The following FRMD3 variants were observed in gnomAD, a reference collection of about 807,000 sequenced individuals.
The protein encoded by FRMD3 is FERM domain-containing protein 3.
In FRMD3, 33 loss-of-function variants were observed where a neutral mutation model predicts 70.2. The ratio of observed to expected loss-of-function variants is 0.47; its 90% CI spans 0.36 to 0.63. FRMD3 has a LOEUF of 0.63. FRMD3 is among the 20% of genes least tolerant of loss of function. FRMD3 has a pLI of 0.00. For missense variants in FRMD3, 632 were observed against 711.4 expected (o/e 0.89, Z 1.27); for synonymous variants, 279 against 255.9 (o/e 1.09, Z -0.86).
intron 6 of FRMD3, among the ~76,000 whole-genome samples, chr9:83,325,317 T>C (rs1835968739): frequency 6.6e-6 from 1 of 152,142 alleles, no homozygotes; most frequent in African/African-American, 2.4e-5. Flanking sequence ...TATTTTTAAA[T>C]TTATTTATTT....
At position 83,260,080 on chromosome 9, in the gene FRMD3, C is replaced by T. The variant is rs114120949; in HGVS notation, c.1196-11564G>A. ...CTTTTTACCTGCAAAATGGACCAGA[C>T]CCTCCCCAGTCCAGCATTCTGTGGC... On this transcript the variant is annotated intron_variant, in intron 13 of 13. Coordinates refer to ENST00000304195, the MANE Select transcript of FRMD3 (RefSeq NM_174938.6). 5.4e-3 allele frequency among the ~76,000 whole-genome samples: 826 copies of T among 152,268 alleles called. 6 individuals are homozygous for T. Among genetic ancestry groups the T allele is most frequent in the African/African-American group, 0.018 (767 of 41,544 alleles).
intron 13 of FRMD3, among the ~76,000 whole-genome samples, chr9:83,262,475 T>C (rs1044597827): frequency 8.5e-5 from 13 of 152,222 alleles, no homozygotes; most frequent in Admixed American, 6.5e-4. Flanking sequence ...TCCTAACTGG[T>C]TTCCTTGATT....
At chr9:83,552,477 G>A in the FRMD3 span, among the ~76,000 whole-genome samples, 1 of 152,130 alleles carries the variant, frequency 6.6e-6, no homozygotes, top group African/African-American at 2.4e-5. Context: ...TTCTATAAAG[G>A]TCTATCAGAT....
At chr9:83,553,459 A>G in the FRMD3 span, among the ~76,000 whole-genome samples, 2 of 152,146 alleles carry the variant, frequency 1.3e-5, no homozygotes, top group Non-Finnish European at 2.9e-5. Context: ...CTTGGGGATG[A>G]TCTTCTTGTG....
chr9:83,402,898 CTTTTTTT>C (rs559570925), intron 1 of FRMD3, among the ~76,000 whole-genome samples: 2 of 87,294 alleles, frequency 2.3e-5, no homozygotes. Context: ...TTCTTTCTTT[CTTTTTTT>C]TTTTTTTTTT....
intron 12 of FRMD3, among the ~76,000 whole-genome samples, chr9:83,297,359 G>GA (rs1438054793): frequency 6.6e-6 from 1 of 152,142 alleles, no homozygotes; most frequent in Non-Finnish European, 1.5e-5. Context: ...GTGCTACAGA[G>GA]AAAAGAGCTG....
rs1224857306 is a variant in FRMD3 at position 83,380,604 on chromosome 9, G to A, written c.253-7649C>T. ...TGGGGAAAAAGAAGGTGGGTATGGG[G>A]TGGTACTTTGTGACTAAGAAGATTG... is the stretch of plus-strand genomic sequence containing the variant. On this transcript the variant is annotated intron_variant, in intron 2 of 13. Coordinates refer to ENST00000304195, the MANE Select transcript of FRMD3 (RefSeq NM_174938.6). Among the ~76,000 whole-genome samples, 3 of 152,116 alleles carry A rather than the reference G, an allele frequency of 2.0e-5. No individual in the cohort carries two copies. The East Asian group carries it at 5.8e-4, about 29-fold the overall frequency.
chr9:83,512,890 C>T (rs748424306), intron 1 of FRMD3, among the ~76,000 whole-genome samples: 8 of 152,112 alleles, frequency 5.3e-5, no homozygotes, highest in Non-Finnish European at 1.2e-4. Context: ...CTGCAAGACA[C>T]GGAAGTGAGC....
intron 2 of FRMD3, among the ~76,000 whole-genome samples, chr9:83,383,435 G>C (rs1282579306): frequency 1.3e-5 from 2 of 152,068 alleles, no homozygotes; most frequent in Admixed American, 6.6e-5. Context: ...AAATAAAATA[G>C]TCATTTTCTA....
At chr9:83,351,895 C>G (rs1824175437) in intron 3 of FRMD3, among the ~76,000 whole-genome samples, 2 of 152,124 alleles carry the variant, frequency 1.3e-5, no homozygotes, top group Admixed American at 1.3e-4. Context: ...AAATATATGC[C>G]AACATGATTG....
At chr9:83,275,506 C>A (rs1463816494) in intron 13 of FRMD3, among the ~76,000 whole-genome samples, 1 of 152,172 alleles carries the variant, frequency 6.6e-6, no homozygotes, top group East Asian at 1.9e-4. Context: ...CCTCCCCGAC[C>A]TGCAGATGGG....
chr9:83,443,071 A>G (rs1484854376), intron 1 of FRMD3, among the ~76,000 whole-genome samples: 1 of 152,238 alleles, frequency 6.6e-6, no homozygotes, highest in African/African-American at 2.4e-5. Flanking sequence ...TTAGCAATGA[A>G]TATCACTGTA....
the FRMD3 span, among the ~76,000 whole-genome samples, chr9:83,578,143 T>C: frequency 6.6e-6 from 1 of 150,904 alleles, no homozygotes; most frequent in Admixed American, 6.6e-5. Context: ...AAAAAAAAAA[T>C]CTGAACAGAC....
At chr9:83,408,415 C>G (rs1234070769) in intron 1 of FRMD3, among the ~76,000 whole-genome samples, 1 of 152,094 alleles carries the variant, frequency 6.6e-6, no homozygotes, top group African/African-American at 2.4e-5. Context: ...GTCCTAAGAA[C>G]CCCCACTGGG....
In FRMD3 at chr9:83,367,832, T is replaced by G. The variant is rs1395701875; in HGVS notation, c.295+5081A>C. 2.6e-5 allele frequency among the ~76,000 whole-genome samples: 4 copies of G among 152,200 alleles called. No homozygotes were observed. The East Asian group carries it at 7.7e-4, about 29-fold the overall frequency. On this transcript the variant is annotated intron_variant, in intron 3 of 13. Coordinates refer to ENST00000304195, the MANE Select transcript of FRMD3 (RefSeq NM_174938.6). The stretch of plus-strand genomic sequence containing the variant: ...ATCTATTTCATCTAAGCAATCAAAT[T>G]TCTGTGCCTAGAGTTGTTCTGCAGG...
rs115795434 is a variant in FRMD3, at chr9:83,320,376, T to G, written c.597-6629A>C. ...TTTTCTCATGAAGAGATGCTGAAGTTTATTAAACACTTTTTCTTCATCTAT... is the reference window on the plus strand; with the variant it reads ...TTTTCTCATGAAGAGATGCTGAAGTGTATTAAACACTTTTTCTTCATCTAT... On this transcript the variant is annotated intron_variant, in intron 6 of 13. Transcript: ENST00000304195. Among the ~76,000 whole-genome samples, 1,313 of 152,314 alleles carry G rather than the reference T, an allele frequency of 8.6e-3. 17 individuals are homozygous for G. The highest frequency in any genetic ancestry group is 0.03 in the African/African-American group (1,233 of 41,568).
At chr9:83,350,977 T>C in intron 3 of FRMD3, 1 of 958,606 alleles carries the variant, frequency 1.0e-6, no homozygotes, top group Non-Finnish European at 1.2e-6. Context: ...CATTACTATT[T>C]CCATGGATTG....
intron 13 of FRMD3, among the ~76,000 whole-genome samples, chr9:83,268,528 A>G (rs191734486): frequency 3.0e-4 from 45 of 152,392 alleles, no homozygotes; most frequent in Non-Finnish European, 5.9e-5. Flanking sequence ...GGTTAAATAC[A>G]TGTGATGAAA....
At chr9:83,328,410 C>T (rs1815638935) in intron 6 of FRMD3, among the ~76,000 whole-genome samples, 1 of 152,204 alleles carries the variant, frequency 6.6e-6, no homozygotes, top group African/African-American at 2.4e-5. Flanking sequence ...GCTCAAACTA[C>T]ATACATCTGG....
Sources: allele counts gnomAD v4.1 joint callset (sites outside exome capture counted in the v4.1 genomes callset), GRCh38; gene constraint gnomAD v4.1.1; transcripts MANE v1.5; gene names NCBI Gene and HGNC (gene_info 2026-07-23, HGNC 2026-07-21).